Variants in UVRAG observed in about 807,000 individuals in gnomAD.
The protein encoded by UVRAG is UV radiation resistance-associated gene protein.
In UVRAG, 19 loss-of-function variants were observed where a neutral mutation model predicts 78.0. The ratio of observed to expected loss-of-function variants is 0.24; its 90% CI spans 0.17 to 0.36. UVRAG has a LOEUF of 0.36. Among genes scored for constraint, UVRAG ranks in the 10% least tolerant of loss-of-function variants. UVRAG has a pLI of 1.00. For synonymous variants in UVRAG, 323 were observed against 324.6 expected (o/e 1.00, Z 0.05); for missense variants, 740 against 853.8 (o/e 0.87, Z 1.66).
intron 3 of UVRAG, among the ~76,000 whole-genome samples, chr11:75,878,149 C>T (rs1224967563): frequency 3.4e-5 from 5 of 149,180 alleles, no homozygotes; most frequent in African/African-American, 7.5e-5. Context: ...TCAGATGGGG[C>T]GGCTGGGCAG....
intron 7 of UVRAG, among the ~76,000 whole-genome samples, chr11:75,981,257 G>T (rs1160883934): frequency 2.0e-5 from 3 of 151,882 alleles, no homozygotes; most frequent in Non-Finnish European, 4.4e-5. Flanking sequence ...GATTACAGGT[G>T]CCCACTACCG....
At chr11:75,966,390 G>C (rs1026343286) in intron 7 of UVRAG, among the ~76,000 whole-genome samples, 1 of 152,148 alleles carries the variant, frequency 6.6e-6, no homozygotes. Context: ...GATTATGGTA[G>C]CCTGGTAAAA....
At chr11:76,110,936 G>A (rs943080858) in intron 13 of UVRAG, among the ~76,000 whole-genome samples, 1 of 152,020 alleles carries the variant, frequency 6.6e-6, no homozygotes, top group Non-Finnish European at 1.5e-5. Context: ...TCGGCTGACT[G>A]CAACCTCCAC....
chr11:75,885,539 A>C (rs1947055775), intron 4 of UVRAG, among the ~76,000 whole-genome samples: 1 of 152,142 alleles, frequency 6.6e-6, no homozygotes, highest in Non-Finnish European at 1.5e-5. Flanking sequence ...TAGTTGTTTC[A>C]TTGCTCAGAC....
intron 5 of UVRAG, among the ~76,000 whole-genome samples, chr11:75,891,294 G>T (rs1170577341): frequency 3.9e-5 from 6 of 152,126 alleles, no homozygotes; most frequent in Admixed American, 3.9e-4. Context: ...TAGTAAAAGT[G>T]TTTGTGATTT....
chr11:75,938,637 T>C (rs1279843528), intron 6 of UVRAG, among the ~76,000 whole-genome samples: 1 of 152,238 alleles, frequency 6.6e-6, no homozygotes, highest in Non-Finnish European at 1.5e-5. Flanking sequence ...CCGTCAGTTA[T>C]GGGCCATACT....
intron 13 of UVRAG, among the ~76,000 whole-genome samples, chr11:76,097,521 G>A (rs547197344): frequency 3.7e-4 from 57 of 152,146 alleles, no homozygotes; most frequent in Non-Finnish European, 6.8e-4. Context: ...CCTTCTCTGC[G>A]TTCCTGTATA....
chr11:76,027,332 T>TA (rs1950346297), intron 12 of UVRAG, among the ~76,000 whole-genome samples: 1 of 152,156 alleles, frequency 6.6e-6, no homozygotes, highest in South Asian at 2.1e-4. Context: ...ATTAAGCAGT[T>TA]ACTCTGTTAC....
At chr11:76,126,837 A>C (rs762202293) in intron 14 of UVRAG, among the ~76,000 whole-genome samples, 17 of 152,208 alleles carry the variant, frequency 1.1e-4, no homozygotes, top group Non-Finnish European at 2.2e-4. Flanking sequence ...TGCTGTTTAC[A>C]AGACTTGGCT....
chr11:75,861,428 G>A (rs184661406), intron 2 of UVRAG, among the ~76,000 whole-genome samples: 2 of 152,316 alleles, frequency 1.3e-5, no homozygotes, highest in Non-Finnish European at 2.9e-5. Context: ...TTGTGAGGGT[G>A]GAAGCGGGGA....
chr11:76,009,805 T>C (rs1023803711), intron 11 of UVRAG, among the ~76,000 whole-genome samples: 7 of 152,234 alleles, frequency 4.6e-5, no homozygotes, highest in African/African-American at 1.4e-4. Flanking sequence ...ATAAACCATG[T>C]AATTTGGAAC....
chr11:76,091,362 ATCTGTTGTGCTCGGCAC>A (rs1167909327), intron 13 of UVRAG, among the ~76,000 whole-genome samples: 2 of 152,116 alleles, frequency 1.3e-5, no homozygotes, highest in African/African-American at 4.8e-5. Context: ...GTCTGTTTTT[ATCTGTTGTGCTCGGCAC>A]TCAATGGATC....
chr11:76,068,121 CT>C (rs1951230220), intron 13 of UVRAG, among the ~76,000 whole-genome samples: 1 of 152,150 alleles, frequency 6.6e-6, no homozygotes, highest in African/African-American at 2.4e-5. Flanking sequence ...ACACTTCTTT[CT>C]TCTCAAGGGC....
At chr11:75,847,755 GAGGTC>G (rs1946066122) in intron 1 of UVRAG, among the ~76,000 whole-genome samples, 1 of 150,862 alleles carries the variant, frequency 6.6e-6, no homozygotes, top group South Asian at 2.1e-4. Context: ...GGCGGATCAC[GAGGTC>G]AGGAGATCGA....
intron 4 of UVRAG, among the ~76,000 whole-genome samples, chr11:75,880,642 C>T (rs977585058): frequency 5.9e-5 from 9 of 152,144 alleles, no homozygotes; most frequent in African/African-American, 2.2e-4. Flanking sequence ...ACAGCCTCCG[C>T]CTCCCAAGTT....
chr11:76,110,411 C>G (rs1376475775), intron 13 of UVRAG, among the ~76,000 whole-genome samples: 1 of 152,130 alleles, frequency 6.6e-6, no homozygotes, highest in Non-Finnish European at 1.5e-5. Context: ...CAAAGTCAAA[C>G]AACTAGTAAG....
At chr11:76,132,676 C>T (rs1020453539) in intron 14 of UVRAG, among the ~76,000 whole-genome samples, 5 of 151,974 alleles carry the variant, frequency 3.3e-5, no homozygotes, top group African/African-American at 9.7e-5. Context: ...TACATCAGTT[C>T]GTGGCAGAAT....
At chr11:76,000,225 G>T (rs1041965862) in intron 8 of UVRAG, among the ~76,000 whole-genome samples, 8 of 152,074 alleles carry the variant, frequency 5.3e-5, no homozygotes, top group Non-Finnish European at 7.4e-5. Context: ...AGTTACAAAA[G>T]GGATTGTCCA....
chr11:75,948,463 A>G (rs1054126130), intron 6 of UVRAG, among the ~76,000 whole-genome samples: 1 of 152,178 alleles, frequency 6.6e-6, no homozygotes, highest in East Asian at 1.9e-4. Context: ...CACAGGAAGT[A>G]TGAGTGAGGG....
Sources: gnomAD v4.1 joint callset for allele counts (sites outside exome capture counted in the v4.1 genomes callset) on GRCh38, gnomAD v4.1.1 for gene constraint, MANE v1.5 for transcripts, NCBI Gene and HGNC (gene_info 2026-07-23, HGNC 2026-07-21) for gene names.